Variants in SNCAIP observed in about 807,000 individuals in gnomAD.
SNCAIP encodes synuclein alpha interacting protein.
In SNCAIP, 43 loss-of-function variants were observed where a neutral mutation model predicts 86.7. The ratio of observed to expected loss-of-function variants is 0.50; its 90% CI spans 0.39 to 0.64. SNCAIP has a LOEUF of 0.64. Among genes scored for constraint, SNCAIP ranks in the 30% least tolerant of loss-of-function variants. The pLI is 0.00. For synonymous variants in SNCAIP, 417 were observed against 427.2 expected, an observed-to-expected ratio of 0.98 and a Z score of 0.29; for missense variants, 981 against 1,103.1, an observed-to-expected ratio of 0.89 and a Z score of 1.57.
intron 8 of SNCAIP, 144 bp from the exon 9 acceptor site, chr5:122,449,701 C>A: frequency 1.5e-6 from 1 of 665,536 alleles, no homozygotes. Flanking sequence ...AATTTCTGAA[C>A]CTGTAAGGAT....
At chr5:122,366,746 C>T (rs1194857512) in intron 1 of SNCAIP, among the ~76,000 whole-genome samples, 2 of 152,052 alleles carry the variant, frequency 1.3e-5, no homozygotes, top group Non-Finnish European at 2.9e-5. Flanking sequence ...ACATGAGAGG[C>T]TTCGTGTGAC....
chr5:122,403,844 A>T lies in SNCAIP; in HGVS notation c.109A>T (p.Thr37Ser). Residue 37 changes from threonine (T) to serine (S), a missense_variant, in exon 3 of 11, where the codon ACG (threonine) becomes TCG (serine). Physicochemically the swap from Thr to Ser is moderately conservative, Grantham distance 58. Transcript: ENST00000261368. ...CCCAGAACTGTGCCGAAGATGTGAT[A>T]CGCAAAACGAAGACAGATCAGGTAG... ...TIPELCRRCD[T>S]QNEDRSVSSS... 6.2e-7 allele frequency: 1 copy of T among 1,613,802 alleles called. No homozygotes were observed. Among genetic ancestry groups the T allele is most frequent in the Non-Finnish European group, 8.5e-7 (1 of 1,179,716 alleles).
intron 8 of SNCAIP, among the ~76,000 whole-genome samples, chr5:122,449,166 C>T (rs528633498): frequency 2.4e-4 from 37 of 152,280 alleles, no homozygotes; most frequent in African/African-American, 8.7e-4. Context: ...CTACCTTAAG[C>T]GTGTTCAGAC....
At chr5:122,370,362 A>G (rs925179323) in intron 1 of SNCAIP, among the ~76,000 whole-genome samples, 5 of 151,156 alleles carry the variant, frequency 3.3e-5, no homozygotes, top group African/African-American at 1.2e-4. Context: ...TAAAATATAA[A>G]TATATTTTAT....
chr5:122,407,148 TAAAC>T (rs759653840), intron 3 of SNCAIP, among the ~76,000 whole-genome samples: 7 of 152,080 alleles, frequency 4.6e-5, no homozygotes, highest in Non-Finnish European at 1.0e-4. Context: ...AGCAAACAGA[TAAAC>T]AAGGTCACCA....
intron 1 of SNCAIP, among the ~76,000 whole-genome samples, chr5:122,382,347 T>C (rs1767028599): frequency 6.6e-6 from 1 of 152,264 alleles, no homozygotes; most frequent in Admixed American, 6.5e-5. Context: ...CTCCTGAGAC[T>C]TCTGCATTCT....
In SNCAIP at chr5:122,320,737, G is replaced by A. The variant is rs112579252; in HGVS notation, c.-47+8453G>A. Among the ~76,000 whole-genome samples, 24 of 152,296 alleles carry A rather than the reference G, an allele frequency of 1.6e-4. 3 individuals carry two copies. The highest frequency in any genetic ancestry group is 5.3e-4 in the African/African-American group (22 of 41,548). On this transcript the variant is annotated intron_variant, in intron 1 of 10. Coordinates refer to ENST00000261368, the MANE Select transcript of SNCAIP (RefSeq NM_005460.4). The stretch of plus-strand genomic sequence containing the variant: ...GCTTTGCAGATGAGAAGGCAACAGT[G>A]ACCAAATGACTTAACCACAGATGGA...
Position 122,333,350 on chromosome 5 carries a change from C to A in SNCAIP, c.-47+21066C>A, listed in dbSNP as rs115328250. 8.0e-4 allele frequency among the ~76,000 whole-genome samples: 122 copies of A among 152,270 alleles called. 2 individuals carry two copies. Among genetic ancestry groups the A allele is most frequent in the African/African-American group, 2.8e-3 (118 of 41,552 alleles). On this transcript the variant is annotated intron_variant, in intron 1 of 10. Transcript: ENST00000261368. ...TAAAAATGTCACATTATTACGGAAC[C>A]TATTTGTTGGTTAGGTATTTTCCAA...
chr5:122,361,170 A>G lies in SNCAIP; in HGVS notation c.-46-29919A>G, dbSNP rs575467919. 4.8e-5 allele frequency among the ~76,000 whole-genome samples: 7 copies of G among 145,524 alleles called. No homozygotes were observed. The South Asian group carries it at 1.5e-3, about 32-fold the overall frequency. ...TTACAGTACATAATCAAAGATAGTCATTTTTGAAAAAAAAAAAAAAAAAGT... is the reference window on the plus strand; with the variant it reads ...TTACAGTACATAATCAAAGATAGTCGTTTTTGAAAAAAAAAAAAAAAAAGT... On this transcript the variant is annotated intron_variant, in intron 1 of 10. Transcript: ENST00000261368.
In SNCAIP at chr5:122,450,935, T is replaced by C; in HGVS notation, c.2088T>C (p.Ala696=). 6.2e-7 allele frequency: 1 copy of C among 1,614,120 alleles called. No homozygotes were observed. Among genetic ancestry groups the C allele is most frequent in the Non-Finnish European group, 8.5e-7 (1 of 1,180,022 alleles). ...CCAAGACTACCCCAGTGAGGAAGGC[T>C]GACCGACCAAGGCCGCAGCCCATTG... ...EDPKTTPVRK[A]DRPRPQPIVE... is the part of the protein sequence containing the mutation. The change falls in exon 10 of 11, where the codon GCT becomes GCC. Residue 696 remains alanine (A), a synonymous_variant. Coordinates refer to ENST00000261368, the MANE Select transcript of SNCAIP (RefSeq NM_005460.4).
At chr5:122,435,333 C>A (rs1779197718) in intron 6 of SNCAIP, among the ~76,000 whole-genome samples, 1 of 152,168 alleles carries the variant, frequency 6.6e-6, no homozygotes, top group African/African-American at 2.4e-5. Context: ...TATCTCAATT[C>A]AAAGCTACTG....
chr5:122,420,178 G>T (rs938407661), intron 3 of SNCAIP, among the ~76,000 whole-genome samples: 1 of 152,148 alleles, frequency 6.6e-6, no homozygotes, highest in East Asian at 1.9e-4. Flanking sequence ...CAAAATGTTG[G>T]CACTCCTTCT....
Position 122,338,165 on chromosome 5 carries a change from C to T in SNCAIP, c.-47+25881C>T, listed in dbSNP as rs112412019. Among the ~76,000 whole-genome samples, 1,275 of 152,308 alleles carry T rather than the reference C, an allele frequency of 8.4e-3. 12 individuals are homozygous for T. The highest frequency in any genetic ancestry group is 0.028 in the African/African-American group (1,183 of 41,584). On this transcript the variant is annotated intron_variant, in intron 1 of 10. Coordinates refer to ENST00000261368, the MANE Select transcript of SNCAIP (RefSeq NM_005460.4). ...TTAATTTAATGGAAGATTTCACCAA[C>T]GGTTAAATAGAACGGATACTTCTGC...
intron 1 of SNCAIP, among the ~76,000 whole-genome samples, chr5:122,372,697 A>C (rs1488484349): frequency 3.3e-5 from 5 of 152,062 alleles, no homozygotes; most frequent in Non-Finnish European, 7.4e-5. Context: ...CTCCCTAATC[A>C]CTTCTCAATT....
At chr5:122,315,611 G>C (rs1751542924) in intron 1 of SNCAIP, among the ~76,000 whole-genome samples, 1 of 152,288 alleles carries the variant, frequency 6.6e-6, no homozygotes, top group Non-Finnish European at 1.5e-5. Flanking sequence ...AATATGTTAG[G>C]AGAGCATATT....
At chr5:122,318,087 C>T (rs2152657063) in intron 1 of SNCAIP, among the ~76,000 whole-genome samples, 1 of 152,180 alleles carries the variant, frequency 6.6e-6, no homozygotes, top group East Asian at 1.9e-4. Flanking sequence ...CCATGAATTC[C>T]AAGATTCTCT....
intron 1 of SNCAIP, among the ~76,000 whole-genome samples, chr5:122,343,181 A>G (rs1283315192): frequency 1.3e-5 from 2 of 152,314 alleles, no homozygotes; most frequent in African/African-American, 4.8e-5. Context: ...TTAGTTCTCA[A>G]GCTAAATCAA....
intron 6 of SNCAIP, chr5:122,440,317 T>C (rs973905264): frequency 7.9e-6 from 3 of 380,368 alleles, no homozygotes; most frequent in Non-Finnish European, 1.0e-5. Flanking sequence ...TTTGGATCTG[T>C]CTAGCTGTGT....
intron 1 of SNCAIP, among the ~76,000 whole-genome samples, chr5:122,365,816 A>T (rs1317123880): frequency 6.6e-6 from 1 of 152,184 alleles, no homozygotes; most frequent in Non-Finnish European, 1.5e-5. Flanking sequence ...TGAACAAGCC[A>T]AAGGATCTCA....
Sources: allele counts gnomAD v4.1 joint callset (sites outside exome capture counted in the v4.1 genomes callset), GRCh38; gene constraint gnomAD v4.1.1; transcripts MANE v1.5; gene names NCBI Gene and HGNC (gene_info 2026-07-23, HGNC 2026-07-21).